The following PNPLA7 variants were observed in gnomAD, a reference collection of about 807,000 sequenced individuals.
The protein encoded by PNPLA7 is patatin-like phospholipase domain-containing protein 7.
Under a neutral mutation model 161.7 loss-of-function variants are expected in PNPLA7, and 153 were observed. That is an observed-to-expected ratio of 0.95 (90% confidence interval 0.83 to 1.08). The LOEUF is 1.08. Among genes scored for constraint, PNPLA7 ranks in the 50% least tolerant of loss-of-function variants. PNPLA7 has a pLI of 0.00. For missense variants in PNPLA7, 1,739 were observed against 1,856.6 expected, an observed-to-expected ratio of 0.94 and a Z score of 1.16; for synonymous variants, 809 against 782.1, an observed-to-expected ratio of 1.03 and a Z score of -0.57.
In PNPLA7 at chr9:137,524,914, C is replaced by A. The variant is rs909023394; in HGVS notation, c.748-2057G>T. Among the ~76,000 whole-genome samples the A allele has an allele frequency of 6.6e-6, 1 of 152,204 alleles. No homozygotes were observed. The highest frequency in any genetic ancestry group is 1.5e-5 in the Non-Finnish European group (1 of 68,050). On this transcript the variant is annotated intron_variant, in intron 8 of 34. Transcript: ENST00000406427. The surrounding 1 kb of genome is among the most constrained non-coding windows in gnomAD (Gnocchi z 4.4). ...TCACCAGCAGTTGGTGCCACCATGT[C>A]GCATAATAAAGAATTTAGCTGGTCT...
chr9:137,489,028 C>T (rs1410111407), intron 20 of PNPLA7, among the ~76,000 whole-genome samples: 2 of 148,322 alleles, frequency 1.3e-5, no homozygotes, highest in Non-Finnish European at 3.0e-5. Flanking sequence ...GACATCCCCC[C>T]AACTGTGCAC....
intron 20 of PNPLA7, among the ~76,000 whole-genome samples, chr9:137,488,456 A>G (rs1000545567): frequency 6.6e-6 from 1 of 152,200 alleles, no homozygotes; most frequent in African/African-American, 2.4e-5. Flanking sequence ...GGTGGAGCAG[A>G]CACAGGCCAC....
chr9:137,496,327 G>A (rs538908363), intron 18 of PNPLA7, among the ~76,000 whole-genome samples: 166 of 150,756 alleles, frequency 1.1e-3, no homozygotes, highest in Non-Finnish European at 2.0e-3. Flanking sequence ...GGCTTGTCTC[G>A]AACTCCCAAC....
rs1831567816 is a variant in PNPLA7 at position 137,468,285 on chromosome 9, T to G, written c.2883-812A>C. Among the ~76,000 whole-genome samples, 1 of 151,634 alleles carries G rather than the reference T, an allele frequency of 6.6e-6. No individual in the cohort carries two copies. Among genetic ancestry groups the G allele is most frequent in the South Asian group, 2.1e-4 (1 of 4,790 alleles). On this transcript the variant is annotated intron_variant, in intron 25 of 34. Coordinates refer to ENST00000406427, the MANE Select transcript of PNPLA7 (RefSeq NM_001098537.3). This position sits in a 1 kb window ranked among gnomAD's most constrained non-coding sequence, Gnocchi z 4.0. ...GAATGTCCACCACTCAACCAAAGATTACCAGTCATATGAGAAGAAAAGCCT... is the reference window on the plus strand; with the variant it reads ...GAATGTCCACCACTCAACCAAAGATGACCAGTCATATGAGAAGAAAAGCCT...
At position 137,478,112 on chromosome 9, in the gene PNPLA7, C is replaced by T. The variant is rs1165548802; in HGVS notation, c.2804G>A (p.Arg935Gln). 1.5e-6 allele frequency: 2 copies of T among 1,357,168 alleles called. No individual in the cohort carries two copies. Among genetic ancestry groups the T allele is most frequent in the East Asian group, 3.1e-5 (1 of 32,760 alleles). 84.1% of individuals were successfully genotyped at this position (1,357,168 alleles called of 1,614,324 possible). The change falls in exon 25 of 35, where the codon CGA becomes CAA. Residue 935 changes from arginine (R) to glutamine (Q), a missense_variant. Physicochemically the swap from Arg to Gln is conservative, Grantham distance 43. Coordinates refer to ENST00000406427, the MANE Select transcript of PNPLA7 (RefSeq NM_001098537.3). The stretch of plus-strand genomic sequence containing the variant: ...CGCCAGGCGGGAGAAGTCTGAGTGT[C>T]GGTCCGGGGGCCGCTGGAAGACATG... Reference protein sequence around the residue: ...YKHVFQRPPDRHSDFSRLARV... With the variant: ...YKHVFQRPPDQHSDFSRLARV...
chr9:137,460,330 G>A lies in PNPLA7; in HGVS notation c.*63C>T. ...TACAGAGGCCCCTAGGACTTGGCAG[G>A]AGCCTCAGCCTTGGGGACAGTCCCA... On this transcript the variant is annotated 3_prime_UTR_variant, in exon 35 of 35. Transcript: ENST00000406427. 1 of 1,514,358 alleles carries A rather than the reference G, an allele frequency of 6.6e-7. No homozygotes were observed. The highest frequency in any genetic ancestry group is 9.0e-7 in the Non-Finnish European group (1 of 1,108,494). 93.8% of individuals were successfully genotyped at this position (1,514,358 alleles called of 1,614,324 possible). A position where few individuals can be genotyped will look rare whatever the true frequency, so the allele number is the denominator to read the frequency against.
At chr9:137,516,429 T>C (rs2480105) in intron 11 of PNPLA7, 123,112 of 984,840 alleles carry the variant, frequency 0.13, 10,956 homozygotes, top group African/African-American at 0.44. Flanking sequence ...TGCCAAGACC[T>C]CATCCAGGAC....
At chr9:137,480,674 G>C (rs986846221) in intron 22 of PNPLA7, 194 bp from the exon 23 acceptor site, 13 of 753,730 alleles carry the variant, frequency 1.7e-5, no homozygotes, top group Admixed American at 2.9e-5. Flanking sequence ...CTGCAGTTAA[G>C]CCCAGAGGCT....
intron 8 of PNPLA7, among the ~76,000 whole-genome samples, chr9:137,528,088 T>C (rs550638503): frequency 6.9e-4 from 105 of 152,372 alleles, no homozygotes; most frequent in African/African-American, 2.4e-3. Flanking sequence ...TCTGTAGACA[T>C]GTGCACTCTT....
chr9:137,549,238 T>C (rs1836709718), intron 1 of PNPLA7, among the ~76,000 whole-genome samples: 1 of 152,082 alleles, frequency 6.6e-6, no homozygotes, highest in South Asian at 2.1e-4. Context: ...ATCCCAGCAC[T>C]TTGGGAGGCC....
chr9:137,505,667 C>G lies in PNPLA7; in HGVS notation c.1420G>C (p.Asp474His). Residue 474 changes from aspartate (D) to histidine (H), a missense_variant, in exon 14 of 35, where the codon GAT becomes CAT. Asp to His is a moderately conservative substitution (Grantham distance 81, BLOSUM62 -1). Around this residue, in one of 6 missense-constraint regions of PNPLA7, gnomAD observed 481 missense variants for 450.0 expected, o/e 1.07. Transcript: ENST00000406427. ...TDETLASRKS[D>H]AIFRAAKKDL... The stretch of plus-strand genomic sequence containing the variant: ...TTCTTGGCAGCTCTGAAGATGGCAT[C>G]CGACTTCCTGCTGGCCAGGGTCTCA... The G allele has an allele frequency of 6.2e-7, 1 of 1,614,136 alleles. No homozygotes were observed. Among genetic ancestry groups the G allele is most frequent in the South Asian group, 1.1e-5 (1 of 91,090 alleles).
intron 21 of PNPLA7, among the ~76,000 whole-genome samples, chr9:137,482,695 C>T (rs370979761): frequency 2.6e-5 from 4 of 152,218 alleles, no homozygotes; most frequent in African/African-American, 7.2e-5. Flanking sequence ...CAGGAGGGCA[C>T]GGACGGGCTG....
At chr9:137,503,979 GAAGAAGA>G (rs1183680311) in intron 14 of PNPLA7, among the ~76,000 whole-genome samples, 20 of 101,254 alleles carry the variant, frequency 2.0e-4, no homozygotes, top group Non-Finnish European at 4.2e-4. Context: ...GAAGAAGAAG[GAAGAAGA>G]AAGAAGCAAG....
At chr9:137,542,875 A>G (rs1836285340) in intron 6 of PNPLA7, 74 bp from the exon 7 acceptor site, 2 of 1,511,926 alleles carry the variant, frequency 1.3e-6, no homozygotes, top group Admixed American at 1.9e-5. Flanking sequence ...TCTCGAGAGC[A>G]CACGGTCACT....
chr9:137,478,825 G>T, intron 24 of PNPLA7: 1 of 542,964 alleles, frequency 1.8e-6, no homozygotes, highest in Non-Finnish European at 3.0e-6. Context: ...CCCCCAGCCC[G>T]ATGGCCGCCC....
chr9:137,518,311 C>T (rs1291650657), intron 11 of PNPLA7, among the ~76,000 whole-genome samples: 5 of 125,444 alleles, frequency 4.0e-5, no homozygotes, highest in South Asian at 5.4e-4. Flanking sequence ...TCCACTCTGT[C>T]CACTCCATCC....
In PNPLA7 at chr9:137,461,958, C is replaced by A. The variant is rs770960337; in HGVS notation, c.3729G>T (p.Gln1243His). 6 of 1,592,838 alleles carry A rather than the reference C, an allele frequency of 3.8e-6. No individual in the cohort carries two copies. In the East Asian group the frequency reaches 1.4e-4, roughly 37 times the overall value. Residue 1243 changes from glutamine (Q) to histidine (H), a missense_variant, in exon 32 of 35, where the codon CAG becomes CAT. Around this residue, in one of 6 missense-constraint regions of PNPLA7, gnomAD observed 703 missense variants for 694.6 expected, o/e 1.01. Transcript: ENST00000406427. ...GVLEKMLRDQQGPSKKPASAV... is the reference protein window; with the variant it reads ...GVLEKMLRDQHGPSKKPASAV... ...CACTCGCGGGCTTCTTGCTCGGCCCCTGCTGGTCGCGGAGCATCTTCTCCA... is the reference window on the plus strand; with the variant it reads ...CACTCGCGGGCTTCTTGCTCGGCCCATGCTGGTCGCGGAGCATCTTCTCCA...
chr9:137,522,137 C>G (rs963428355), intron 9 of PNPLA7, among the ~76,000 whole-genome samples: 2 of 152,132 alleles, frequency 1.3e-5, no homozygotes, highest in African/African-American at 2.4e-5. Context: ...TGCAGTGGCA[C>G]CATCTCGGCT....
In PNPLA7 at chr9:137,511,874, T is replaced by C. The variant is rs1588646257; in HGVS notation, c.1225+3505A>G. Among the ~76,000 whole-genome samples the C allele has an allele frequency of 3.3e-5, 5 of 152,302 alleles. No individual in the cohort carries two copies. The South Asian group carries it at 1.0e-3, about 32-fold the overall frequency. On this transcript the variant is annotated intron_variant, in intron 12 of 34. Transcript: ENST00000406427. ...AAATGCTAACGTCTGCTGTCCTCCC[T>C]CTCTGCTTCAGCTACCACAAAGGGA...
Sources: allele counts gnomAD v4.1 joint callset (sites outside exome capture counted in the v4.1 genomes callset), GRCh38; gene constraint gnomAD v4.1.1; regional missense constraint gnomAD v4.1.1; non-coding constraint Gnocchi (gnomAD v3.1); transcripts MANE v1.5; gene names NCBI Gene and HGNC (gene_info 2026-07-23, HGNC 2026-07-21).